UBR4: variants seen among roughly 807,000 people sequenced by gnomAD.
The protein encoded by UBR4 is ubiquitin protein ligase E3 component n-recognin 4.
A neutral mutation model predicts 575.6 loss-of-function variants in UBR4; 124 were observed. The ratio of observed to expected loss-of-function variants is 0.22; its 90% CI spans 0.19 to 0.25. UBR4 has a LOEUF of 0.25. Ranked by LOEUF, UBR4 falls within the 10% of genes least tolerant of loss-of-function variation. The pLI, the probability that UBR4 is intolerant of heterozygous loss-of-function variation, is 1.00. For missense variants in UBR4, 4,818 were observed against 6,478.8 expected (o/e 0.74, Z 8.80); for synonymous variants, 2,455 against 2,473.7 (o/e 0.99, Z 0.22).
chr1:19,173,262 C>A lies in UBR4; in HGVS notation c.3210G>T (p.Ser1070=), dbSNP rs139169105. ...TAGTGGTGGATGCCAGTTCTAGAAG[C>A]GAGCTAGCATGCTCAGCCTTCATTC... is the stretch of plus-strand genomic sequence containing the variant. The part of the protein sequence containing the change: ...KQGMKAEHAS[S]LLELASTTKC... Residue 1070 remains serine, a synonymous_variant, in exon 24 of 106, where the codon TCG becomes TCT. Transcript: ENST00000375254. 21 of 1,614,146 alleles carry A rather than the reference C, an allele frequency of 1.3e-5. No individual in the cohort carries two copies. In the Middle Eastern group the frequency reaches 4.9e-4, roughly 38 times the overall value.
chr1:19,089,168 C>A lies in UBR4; in HGVS notation c.14212-191G>T, dbSNP rs2077284359. On this transcript the variant is annotated intron_variant, in intron 97 of 105. Transcript: ENST00000375254. The surrounding 1 kb of genome is among the most constrained non-coding windows in gnomAD (Gnocchi z 4.3). ...GAAGAGGGTTTGGCTCTGCCACTGC[C>A]TCTGACCAATTCCTATGCTCTAAGC... 6.6e-6 allele frequency among the ~76,000 whole-genome samples: 1 copy of A among 152,346 alleles called. No homozygotes were observed. Among genetic ancestry groups the A allele is most frequent in the East Asian group, 1.9e-4 (1 of 5,194 alleles).
chr1:19,128,969 A>G lies in UBR4; in HGVS notation c.9003+9T>C. The G allele has an allele frequency of 6.2e-7, 1 of 1,613,100 alleles. No homozygotes were observed. Among genetic ancestry groups the G allele is most frequent in the Non-Finnish European group, 8.5e-7 (1 of 1,179,054 alleles). On this transcript the variant is annotated intron_variant, in intron 61 of 105. Transcript: ENST00000375254. The stretch of plus-strand genomic sequence containing the variant: ...GACCTGACAGAGATCCAGGTGAGCT[A>G]AGAGATACCTGCATGTATGGGATGG...
At chr1:19,140,502 G>A (rs2083752444) in intron 58 of UBR4, among the ~76,000 whole-genome samples, 1 of 152,278 alleles carries the variant, frequency 6.6e-6, no homozygotes, top group Non-Finnish European at 1.5e-5. Context: ...GCTGGAAGCT[G>A]AAGTGGAAGC....
At chr1:19,187,610 G>C (rs2091669581) in intron 11 of UBR4, 70 bp from the exon 12 acceptor site, 1 of 1,510,886 alleles carries the variant, frequency 6.6e-7, no homozygotes, top group Admixed American at 1.8e-5. Flanking sequence ...TGAAGCAGTG[G>C]ATCTTGCCAT....
intron 60 of UBR4, among the ~76,000 whole-genome samples, chr1:19,135,686 A>G (rs1437092304): frequency 1.3e-5 from 2 of 152,184 alleles, no homozygotes; most frequent in Non-Finnish European, 2.9e-5. Context: ...ACAAAAGAAA[A>G]AGAGATTCTA....
Position 19,101,507 on chromosome 1 carries a change from C to A in UBR4, c.13023+13G>T, listed in dbSNP as rs1369708873. 3 of 1,605,256 alleles carry A rather than the reference C, an allele frequency of 1.9e-6. No homozygotes were observed. Among genetic ancestry groups the A allele is most frequent in the Non-Finnish European group, 2.6e-6 (3 of 1,173,868 alleles). ...TGACACTCGAGAGCCATGGGAAGCA[C>A]CGCACTGCTTACAGGATAAATGATG... On this transcript the variant is annotated intron_variant, in intron 88 of 105. Coordinates refer to ENST00000375254, the MANE Select transcript of UBR4 (RefSeq NM_020765.3).
At chr1:19,176,761 TAC>T (rs1176553419) in intron 19 of UBR4, 34 bp from the exon 20 acceptor site, 3 of 1,606,890 alleles carry the variant, frequency 1.9e-6, no homozygotes, top group Non-Finnish European at 2.6e-6. Context: ...TTAAGAAAGA[TAC>T]ACAGTCACCA....
At chr1:19,206,627 C>T (rs551561660) in intron 1 of UBR4, among the ~76,000 whole-genome samples, 87 of 152,062 alleles carry the variant, frequency 5.7e-4, no homozygotes, top group African/African-American at 2.1e-3. Context: ...TGAGCCACTG[C>T]GCCCAGCCAA....
At chr1:19,141,140 C>G (rs2083879907) in intron 57 of UBR4, among the ~76,000 whole-genome samples, 1 of 152,240 alleles carries the variant, frequency 6.6e-6, no homozygotes, top group African/African-American at 2.4e-5. Flanking sequence ...ATAACCCAAA[C>G]TGGCAGAAAC....
Position 19,197,747 on chromosome 1 carries a change from C to T in UBR4, c.816G>A (p.Arg272=), listed in dbSNP as rs749552681. The change falls in exon 7 of 106, where the codon CGG becomes CGA. Residue 272 remains arginine (R), a synonymous_variant. Transcript: ENST00000375254. ...NLPYFLRYIN[R]FQDAVLANSF... ...AATTAGCTAAAACTGCATCTTGGAA[C>T]CGATTGATATAGCGTAGGAAATATG... 6.2e-7 allele frequency: 1 copy of T among 1,614,198 alleles called. No homozygotes were observed. The highest frequency in any genetic ancestry group is 8.5e-7 in the Non-Finnish European group (1 of 1,180,036).
chr1:19,152,300 G>A lies in UBR4; in HGVS notation c.6996+13C>T. 1 of 1,613,724 alleles carries A rather than the reference G, an allele frequency of 6.2e-7. No homozygotes were observed. Among genetic ancestry groups the A allele is most frequent in the Non-Finnish European group, 8.5e-7 (1 of 1,179,686 alleles). Reference sequence around the variant, plus strand: ...CTACCCAGGGATTGATCCCAGCCCAGTGCCATTCTTACCTTGGTGTTGGCC... The same window carrying A: ...CTACCCAGGGATTGATCCCAGCCCAATGCCATTCTTACCTTGGTGTTGGCC... On this transcript the variant is annotated intron_variant, in intron 47 of 105. Transcript: ENST00000375254. The surrounding 1 kb of genome is among the most constrained non-coding windows in gnomAD (Gnocchi z 4.4).
chr1:19,151,804 C>G lies in UBR4; in HGVS notation c.7052G>C (p.Gly2351Ala). 1 of 1,613,936 alleles carries G rather than the reference C, an allele frequency of 6.2e-7. No individual in the cohort carries two copies. The highest frequency in any genetic ancestry group is 8.5e-7 in the Non-Finnish European group (1 of 1,179,910). Residue 2351 changes from glycine to alanine, a missense_variant, in exon 48 of 106, where the codon GGC (glycine) becomes GCC (alanine). Around this residue, in one of 29 missense-constraint regions of UBR4, gnomAD observed 461 missense variants for 606.9 expected, o/e 0.76. Transcript: ENST00000375254. ...SNNNSTMVMT[G>A]MRIQIGTQAI... ...TTGAGTCCCAATCTGGATCCGCATG[C>G]CTGTCATCACCATAGTGCTATTGTT...
At chr1:19,114,998 G>A in intron 74 of UBR4, 49 bp from the exon 75 acceptor site, 8 of 1,612,002 alleles carry the variant, frequency 5.0e-6, no homozygotes, top group African/African-American at 1.3e-5. Flanking sequence ...GCTGGGTGGG[G>A]TGGGGGTCAC....
At chr1:19,145,721 G>A (rs949099915) in intron 53 of UBR4, 72 bp downstream of exon 53, 29 of 1,539,930 alleles carry the variant, frequency 1.9e-5, no homozygotes, top group East Asian at 6.8e-5. Context: ...AATGGCTAAC[G>A]GTCATAGCTG....
chr1:19,122,686 G>A (rs912057051), intron 66 of UBR4, 147 bp downstream of exon 66: 4 of 878,048 alleles, frequency 4.6e-6, no homozygotes, highest in South Asian at 3.3e-5. Flanking sequence ...CCAGACAGGG[G>A]TTATGGATTT....
chr1:19,089,678 C>A lies in UBR4; in HGVS notation c.14212-701G>T, dbSNP rs1005981341. On this transcript the variant is annotated intron_variant, in intron 97 of 105. Transcript: ENST00000375254. This position sits in a 1 kb window ranked among gnomAD's most constrained non-coding sequence, Gnocchi z 4.3. ...AGGTGAGCTCACTGAGAAATATTAC[C>A]ACATCCCTGAAATCCTCACCAACCT... 1.3e-5 allele frequency among the ~76,000 whole-genome samples: 2 copies of A among 152,158 alleles called. No homozygotes were observed. The highest frequency in any genetic ancestry group is 4.8e-5 in the African/African-American group (2 of 41,440).
chr1:19,077,092 G>C (rs2076019985), intron 104 of UBR4, among the ~76,000 whole-genome samples, 190 bp from the exon 105 acceptor site: 1 of 152,144 alleles, frequency 6.6e-6, no homozygotes, highest in Non-Finnish European at 1.5e-5. Flanking sequence ...ATTCCTCTTA[G>C]GCCCTCCTTA....
At chr1:19,105,291 CTG>C (rs1268148312) in intron 84 of UBR4, 102 bp from the exon 85 acceptor site, 1 of 1,357,906 alleles carries the variant, frequency 7.4e-7, no homozygotes, top group African/African-American at 1.5e-5. Flanking sequence ...CTTCTGCTGT[CTG>C]TCTCTCCTGC....
At chr1:19,120,144 C>G (rs745846141) in intron 69 of UBR4, 36 bp downstream of exon 69, 2 of 1,608,476 alleles carry the variant, frequency 1.2e-6, no homozygotes, top group Admixed American at 1.7e-5. Context: ...TGGCCTCACA[C>G]CCTTGCAGAT....
Sources: gnomAD v4.1 joint callset for allele counts (sites outside exome capture counted in the v4.1 genomes callset) on GRCh38, gnomAD v4.1.1 for gene constraint, gnomAD v4.1.1 regional missense constraint, Gnocchi (gnomAD v3.1) non-coding constraint, MANE v1.5 for transcripts, NCBI Gene and HGNC (gene_info 2026-07-23, HGNC 2026-07-21) for gene names.